The following SAMD12 variants were observed in gnomAD, a reference collection of about 807,000 sequenced individuals.
The protein encoded by SAMD12 is sterile alpha motif domain containing 12.
In SAMD12, 9 loss-of-function variants were observed where a neutral mutation model predicts 15.0. That is an observed-to-expected ratio of 0.60 (90% CI 0.36 to 1.05). SAMD12 has a LOEUF of 1.05. Ranked by LOEUF, SAMD12 falls within the 50% of genes least tolerant of loss-of-function variation. SAMD12 has a pLI of 0.01. For missense variants in SAMD12, 230 were observed against 234.2 expected (o/e 0.98, Z 0.12); for synonymous variants, 86 against 90.1 (o/e 0.96, Z 0.25).
intron 4 of SAMD12, among the ~76,000 whole-genome samples, chr8:118,337,259 A>G (rs1435482574): frequency 6.6e-6 from 1 of 152,204 alleles, no homozygotes; most frequent in Non-Finnish European, 1.5e-5. Flanking sequence ...AGCGGGTCCT[A>G]GTAATTGCTG....
chr8:118,433,907 C>T (rs1348649250), intron 3 of SAMD12, among the ~76,000 whole-genome samples: 2 of 152,162 alleles, frequency 1.3e-5, no homozygotes, highest in South Asian at 2.1e-4. Flanking sequence ...GTAGTATTCT[C>T]GTAAGTACAT....
intron 2 of SAMD12, among the ~76,000 whole-genome samples, chr8:118,543,104 A>G (rs1286388575): frequency 1.3e-5 from 2 of 152,226 alleles, no homozygotes; most frequent in Non-Finnish European, 2.9e-5. Context: ...TATCTTTGAA[A>G]GCCTAGTTCC....
chr8:118,427,647 T>C (rs1043560940), intron 3 of SAMD12, among the ~76,000 whole-genome samples: 2 of 152,164 alleles, frequency 1.3e-5, no homozygotes, highest in East Asian at 3.9e-4. Context: ...TATAGTTGAG[T>C]AGAGGTTTTG....
At chr8:118,326,952 T>C (rs1373557531) in intron 4 of SAMD12, among the ~76,000 whole-genome samples, 4 of 152,158 alleles carry the variant, frequency 2.6e-5, no homozygotes, top group African/African-American at 9.7e-5. Flanking sequence ...AAGTCAACAA[T>C]GAAAGCAACT....
the SAMD12 span, among the ~76,000 whole-genome samples, chr8:118,183,852 A>C: frequency 0.032 from 4,853 of 152,000 alleles, 108 homozygotes; most frequent in South Asian, 0.078. Flanking sequence ...TCTGAATCTC[A>C]AGTGTCCATT....
At chr8:118,263,349 T>C (rs1373903944) in intron 4 of SAMD12, among the ~76,000 whole-genome samples, 1 of 152,064 alleles carries the variant, frequency 6.6e-6, no homozygotes, top group Non-Finnish European at 1.5e-5. Context: ...CTGTCAAATG[T>C]AGTAGAACAA....
intron 3 of SAMD12, among the ~76,000 whole-genome samples, chr8:118,433,522 C>T (rs1471354070): frequency 1.3e-5 from 2 of 151,604 alleles, no homozygotes; most frequent in Admixed American, 1.3e-4. Context: ...AAGTTCAGTA[C>T]CCTTGTTTTA....
At chr8:118,176,613 C>A in the SAMD12 span, among the ~76,000 whole-genome samples, 1 of 152,020 alleles carries the variant, frequency 6.6e-6, no homozygotes, top group African/African-American at 2.4e-5. Context: ...AGCTAAACAA[C>A]GAGGACACAT....
intron 4 of SAMD12, among the ~76,000 whole-genome samples, chr8:118,248,256 C>T (rs1300118613): frequency 6.6e-6 from 1 of 152,142 alleles, no homozygotes; most frequent in East Asian, 1.9e-4. Context: ...CACTACTATT[C>T]CACTTCTGTT....
chr8:118,318,346 A>ACC (rs1185305602), intron 4 of SAMD12, among the ~76,000 whole-genome samples: 1 of 112,564 alleles, frequency 8.9e-6, no homozygotes, highest in East Asian at 2.3e-4. Context: ...ATATATATAT[A>ACC]TATATATATA....
At chr8:118,609,406 G>A (rs1192541294) in intron 1 of SAMD12, among the ~76,000 whole-genome samples, 1 of 152,218 alleles carries the variant, frequency 6.6e-6, no homozygotes, top group Non-Finnish European at 1.5e-5. Context: ...GAGAGCCCAG[G>A]AAACAGTAGC....
intron 3 of SAMD12, among the ~76,000 whole-genome samples, chr8:118,418,486 CG>C: frequency 6.6e-6 from 1 of 152,238 alleles, no homozygotes; most frequent in East Asian, 1.9e-4. Flanking sequence ...GAGGCCGAGG[CG>C]GGTGGATCAC....
chr8:118,610,589 A>G (rs1828085756), intron 1 of SAMD12, among the ~76,000 whole-genome samples: 2 of 152,340 alleles, frequency 1.3e-5, no homozygotes, highest in African/African-American at 4.8e-5. Context: ...GAGAGTGGGC[A>G]TAAAGATCCT....
intron 1 of SAMD12, among the ~76,000 whole-genome samples, chr8:118,589,505 G>T (rs1034781872): frequency 1.3e-5 from 2 of 152,166 alleles, no homozygotes; most frequent in African/African-American, 4.8e-5. Flanking sequence ...CTAAAACAAT[G>T]GAAATTAAAA....
chr8:118,621,730 A>G, intron 1 of SAMD12, 74 bp downstream of exon 1: 7 of 1,556,948 alleles, frequency 4.5e-6, no homozygotes, highest in South Asian at 3.3e-5. Context: ...ACGATCGCCA[A>G]GCTTCATCGG....
chr8:118,207,116 C>T (rs908050369), intron 4 of SAMD12, among the ~76,000 whole-genome samples: 1 of 152,224 alleles, frequency 6.6e-6, no homozygotes, highest in Non-Finnish European at 1.5e-5. Context: ...ATGCAAGTAT[C>T]TGAAACTCTA....
chr8:118,229,090 C>T (rs866135251), intron 4 of SAMD12, among the ~76,000 whole-genome samples: 21 of 151,898 alleles, frequency 1.4e-4, no homozygotes, highest in African/African-American at 3.4e-4. Flanking sequence ...GCTATGAGAA[C>T]GCAAAGGCAT....
At chr8:118,573,920 G>A (rs1452792466) in intron 2 of SAMD12, among the ~76,000 whole-genome samples, 1 of 152,194 alleles carries the variant, frequency 6.6e-6, no homozygotes, top group Non-Finnish European at 1.5e-5. Flanking sequence ...GAACAAGACA[G>A]ACTAGATCAT....
the SAMD12 span, among the ~76,000 whole-genome samples, chr8:118,149,856 T>C: frequency 1.3e-5 from 2 of 152,182 alleles, no homozygotes; most frequent in Non-Finnish European, 2.9e-5. Flanking sequence ...TGAATCACCT[T>C]TGATCCTTTG....
Sources: allele counts gnomAD v4.1 joint callset (sites outside exome capture counted in the v4.1 genomes callset), GRCh38; gene constraint gnomAD v4.1.1; transcripts MANE v1.5; gene names NCBI Gene and HGNC (gene_info 2026-07-23, HGNC 2026-07-21).